EIF2AK4: variants seen among roughly 807,000 people sequenced by gnomAD.
The protein encoded by EIF2AK4 is eIF-2-alpha kinase GCN2.
In EIF2AK4, 139 loss-of-function variants were observed where a neutral mutation model predicts 211.1. The observed-to-expected ratio is 0.66, with a 90% confidence interval of 0.57 to 0.76. The LOEUF (loss-of-function observed/expected upper bound fraction) is 0.76, where lower values mean the gene tolerates loss of function less well. EIF2AK4 is among the 30% of genes least tolerant of loss of function. The pLI, the probability that EIF2AK4 is intolerant of heterozygous loss-of-function variation, is 0.00. For missense variants in EIF2AK4, 1,664 were observed against 2,043.8 expected (o/e 0.81, Z 3.58); for synonymous variants, 710 against 751.3 (o/e 0.94, Z 0.90).
intron 6 of EIF2AK4, 31 bp from the exon 7 acceptor site, chr15:39,961,753 T>C: frequency 1.3e-6 from 2 of 1,535,824 alleles, no homozygotes; most frequent in Non-Finnish European, 1.8e-6. Flanking sequence ...AAAATGATTG[T>C]TCAAATGTAT....
intron 9 of EIF2AK4, among the ~76,000 whole-genome samples, chr15:39,969,294 C>T (rs1398990632): frequency 1.3e-5 from 2 of 150,428 alleles, no homozygotes; most frequent in African/African-American, 4.9e-5. Context: ...TTTCCTAGTT[C>T]TCTTCTTAAA....
chr15:39,965,871 A>C (rs919495662), intron 8 of EIF2AK4, 28 bp downstream of exon 8: 1 of 1,611,824 alleles, frequency 6.2e-7, no homozygotes, highest in East Asian at 2.2e-5. Context: ...CTGACTGAGC[A>C]AAAGGCCTAA....
chr15:40,034,454 C>A lies in EIF2AK4; in HGVS notation c.4892+10C>A. 2 of 1,601,104 alleles carry A rather than the reference C, an allele frequency of 1.2e-6. No homozygotes were observed. Among genetic ancestry groups the A allele is most frequent in the South Asian group, 2.2e-5 (2 of 90,682 alleles). On this transcript the variant is annotated intron_variant, in intron 38 of 38. Coordinates refer to ENST00000263791, the MANE Select transcript of EIF2AK4 (RefSeq NM_001013703.4). ...TCAAAGTAGAAAAAAAGTAAGTTAT[C>A]ACTTGGGCATAGCAGGGTTCACATG... is the stretch of plus-strand genomic sequence containing the variant.
intron 29 of EIF2AK4, among the ~76,000 whole-genome samples, chr15:40,017,546 T>C (rs1301670884): frequency 0.013 from 963 of 73,156 alleles, 121 homozygotes; most frequent in Non-Finnish European, 0.017. Flanking sequence ...TATATATATA[T>C]ATATATATGT....
In EIF2AK4 at chr15:39,939,635, T is replaced by C; in HGVS notation, c.257+18T>C. The C allele has an allele frequency of 1.9e-6, 3 of 1,578,920 alleles. No homozygotes were observed. Among genetic ancestry groups the C allele is most frequent in the South Asian group, 1.2e-5 (1 of 86,102 alleles). Reference sequence around the variant, plus strand: ...CCAGATGTGTGAGTACATTTATAAATAGCTTTGACGTGGTTTCAGTTTTCT... The same window carrying C: ...CCAGATGTGTGAGTACATTTATAAACAGCTTTGACGTGGTTTCAGTTTTCT... On this transcript the variant is annotated intron_variant, in intron 2 of 38. Coordinates refer to ENST00000263791, the MANE Select transcript of EIF2AK4 (RefSeq NM_001013703.4).
chr15:39,945,514 A>G (rs1476011650), intron 3 of EIF2AK4, among the ~76,000 whole-genome samples: 1 of 152,246 alleles, frequency 6.6e-6, no homozygotes, highest in Non-Finnish European at 1.5e-5. Flanking sequence ...ATGAGGTTTA[A>G]GGAAAGAAGC....
rs1566991767 is a variant in EIF2AK4 at position 39,976,804 on chromosome 15, G to GACGACT, written c.2213_2214insCTACGA (p.Asp737_Glu738insAspTyr). 2 of 1,572,496 alleles carry GACGACT rather than the reference G, an allele frequency of 1.3e-6. No homozygotes were observed. The highest frequency in any genetic ancestry group is 1.7e-6 in the Non-Finnish European group (2 of 1,161,558). ...GGGCTCCAGCGATGACGAGGACGAC[G>GACGACT]ACGAGGACGAGCACGGTGGCGTCTT... On this transcript the variant is annotated inframe_insertion, in exon 12 of 39. Transcript: ENST00000263791.
chr15:40,023,464 T>C (rs1046346011), intron 32 of EIF2AK4, among the ~76,000 whole-genome samples: 3 of 152,222 alleles, frequency 2.0e-5, no homozygotes, highest in African/African-American at 7.2e-5. Context: ...AGAAGTCCAA[T>C]CTCAAATATT....
chr15:40,028,266 G>A (rs2035492621), intron 33 of EIF2AK4, among the ~76,000 whole-genome samples: 1 of 151,990 alleles, frequency 6.6e-6, no homozygotes, highest in Non-Finnish European at 1.5e-5. Context: ...GTAGAGACAG[G>A]ATCTCCCTAT....
In EIF2AK4 at chr15:39,967,728, G is replaced by A. The variant is rs763752672; in HGVS notation, c.1402G>A (p.Asp468Asn). The A allele has an allele frequency of 6.2e-7, 1 of 1,614,168 alleles. No homozygotes were observed. The highest frequency in any genetic ancestry group is 8.5e-7 in the Non-Finnish European group (1 of 1,180,026). Residue 468 changes from aspartate to asparagine, a missense_variant, in exon 9 of 39, where the codon GAC becomes AAC. Asp to Asn is a conservative substitution (Grantham distance 23). Coordinates refer to ENST00000263791, the MANE Select transcript of EIF2AK4 (RefSeq NM_001013703.4). Reference sequence around the variant, plus strand: ...TGAGCAAACCCGAGTTCGTTTTAGTGACAATGCTCTGCCTTATAAAACGGG... The same window carrying A: ...TGAGCAAACCCGAGTTCGTTTTAGTAACAATGCTCTGCCTTATAAAACGGG... ...VFEQTRVRFS[D>N]NALPYKTGKK...
At chr15:39,959,357 A>C (rs981134787) in intron 6 of EIF2AK4, among the ~76,000 whole-genome samples, 11 of 152,242 alleles carry the variant, frequency 7.2e-5, no homozygotes, top group African/African-American at 2.7e-4. Flanking sequence ...AACAATAGAT[A>C]TGGATGACAT....
Position 40,016,572 on chromosome 15 carries a change from T to A in EIF2AK4, c.3830T>A (p.Leu1277Ter). The A allele has an allele frequency of 6.2e-7, 1 of 1,614,154 alleles. No individual in the cohort carries two copies. The highest frequency in any genetic ancestry group is 1.1e-5 in the South Asian group (1 of 91,078). Reference protein sequence around the residue: ...LQDLMPTINSLIKQKTGIAQL... With the variant: ...LQDLMPTINS ...GATCTTATGCCAACAATAAATTCAT[T>A]AATAAAACAGAAAACAGGTATTGCA... is the stretch of plus-strand genomic sequence containing the variant. The change falls in exon 28 of 39, where the codon TTA (leucine) becomes TAA (stop). Residue 1277 changes from leucine to a stop codon, truncating the protein, a stop_gained. Coordinates refer to ENST00000263791, the MANE Select transcript of EIF2AK4 (RefSeq NM_001013703.4). LOFTEE classifies it high-confidence loss of function.
intron 36 of EIF2AK4, among the ~76,000 whole-genome samples, chr15:40,032,517 C>T (rs551796624): frequency 9.8e-5 from 15 of 152,354 alleles, no homozygotes; most frequent in African/African-American, 3.1e-4. Context: ...ACACCGAATA[C>T]ATGTAGCAGC....
Position 40,005,067 on chromosome 15 carries a change from A to G in EIF2AK4, c.3357+1753A>G, listed in dbSNP as rs116584538. Among the ~76,000 whole-genome samples, 686 of 152,356 alleles carry G rather than the reference A, an allele frequency of 4.5e-3. 5 individuals carry two copies. The highest frequency in any genetic ancestry group is 0.016 in the Admixed American group (251 of 15,304). ...TGAATCCACACAAAAGAAGGGATGTATAGGCATAGTAGTAGATATTATAAG... is the reference window on the plus strand; with the variant it reads ...TGAATCCACACAAAAGAAGGGATGTGTAGGCATAGTAGTAGATATTATAAG... On this transcript the variant is annotated intron_variant, in intron 23 of 38. Coordinates refer to ENST00000263791, the MANE Select transcript of EIF2AK4 (RefSeq NM_001013703.4).
chr15:40,034,579 A>G lies in EIF2AK4; in HGVS notation c.4892+135A>G, dbSNP rs374546158. The G allele has an allele frequency of 8.0e-4, 555 of 690,556 alleles. 5 individuals carry two copies. The highest frequency in any genetic ancestry group is 6.8e-3 in the East Asian group (257 of 37,882). 42.8% of individuals were successfully genotyped at this position (690,556 alleles called of 1,614,324 possible). On this transcript the variant is annotated intron_variant, in intron 38 of 38. Coordinates refer to ENST00000263791, the MANE Select transcript of EIF2AK4 (RefSeq NM_001013703.4). ...GTTCTTAGAATTGCAGCTGACAACC[A>G]ATAAATCTTGCTTGGACTGTGAATC... is the stretch of plus-strand genomic sequence containing the variant.
chr15:39,964,801 T>C (rs2034520568), intron 7 of EIF2AK4, among the ~76,000 whole-genome samples: 1 of 152,226 alleles, frequency 6.6e-6, no homozygotes, highest in Admixed American at 6.5e-5. Context: ...TATCACTAAA[T>C]AAATGTGTCT....
intron 4 of EIF2AK4, among the ~76,000 whole-genome samples, chr15:39,949,885 A>G (rs2034282679): frequency 6.6e-6 from 1 of 152,084 alleles, no homozygotes; most frequent in African/African-American, 2.4e-5. Context: ...TTAAATACAA[A>G]TAGTTACCAT....
intron 35 of EIF2AK4, among the ~76,000 whole-genome samples, chr15:40,031,515 C>T (rs550363099): frequency 1.3e-5 from 2 of 152,196 alleles, no homozygotes; most frequent in African/African-American, 4.8e-5. Context: ...GCTGCCACCT[C>T]TCCCTTTTTC....
At chr15:39,959,823 A>T in intron 6 of EIF2AK4, among the ~76,000 whole-genome samples, 1 of 152,196 alleles carries the variant, frequency 6.6e-6, no homozygotes, top group East Asian at 1.9e-4. Context: ...TAGAAGTAGA[A>T]ATTTGAACAG....
Sources: gnomAD v4.1 joint callset for allele counts (sites outside exome capture counted in the v4.1 genomes callset) on GRCh38, gnomAD v4.1.1 for gene constraint, MANE v1.5 for transcripts, NCBI Gene and HGNC (gene_info 2026-07-23, HGNC 2026-07-21) for gene names.